The following DPP10 variants were observed in gnomAD, a reference collection of about 807,000 sequenced individuals.
DPP10 encodes the protein dipeptidyl peptidase like 10, also known as inactive dipeptidyl peptidase 10.
DPP10 carries 33 observed loss-of-function variants against 120.9 expected under a neutral mutation model. That is an observed-to-expected ratio of 0.27 (90% confidence interval 0.21 to 0.37). DPP10 has a LOEUF of 0.37. DPP10 is among the 10% of genes least tolerant of loss of function. The probability of loss-of-function intolerance (pLI) is 1.00; values close to 1 mark genes in which losing one functional copy is unlikely to be tolerated. For synonymous variants in DPP10, 337 were observed against 326.1 expected, an observed-to-expected ratio of 1.03 and a Z score of -0.36; for missense variants, 816 against 942.8, an observed-to-expected ratio of 0.87 and a Z score of 1.76.
At chr2:114,656,039 T>C (rs1696944314) in intron 1 of DPP10, among the ~76,000 whole-genome samples, 1 of 152,178 alleles carries the variant, frequency 6.6e-6, no homozygotes, top group Non-Finnish European at 1.5e-5. Flanking sequence ...ACAGGGGGCA[T>C]AGTTCTATCT....
rs534022091 is a variant in DPP10, at chr2:114,935,657, A to G, written c.61-373582A>G. ...CATTCTCAAATGCAGTCTTGATCAG[A>G]AATGATCCTTTCGGTTATTTGCTCA... On this transcript the variant is annotated intron_variant, in intron 1 of 25. Transcript: ENST00000410059. Among the ~76,000 whole-genome samples the G allele has an allele frequency of 1.8e-4, 28 of 151,422 alleles. No individual in the cohort carries two copies. The Admixed American group carries it at 1.9e-3, about 10-fold the overall frequency.
chr2:115,611,233 T>C (rs1234327992), intron 5 of DPP10, among the ~76,000 whole-genome samples: 2 of 152,214 alleles, frequency 1.3e-5, no homozygotes, highest in African/African-American at 2.4e-5. Context: ...ATTTGTATTC[T>C]TCACTTTTGA....
intron 2 of DPP10, among the ~76,000 whole-genome samples, chr2:115,312,552 A>G (rs1354084698): frequency 6.6e-6 from 1 of 152,218 alleles, no homozygotes; most frequent in South Asian, 2.1e-4. Flanking sequence ...GAACAAGAAT[A>G]TCCATCAAGG....
intron 1 of DPP10, among the ~76,000 whole-genome samples, chr2:114,881,090 G>A (rs910311831): frequency 6.6e-6 from 1 of 152,044 alleles, no homozygotes; most frequent in Non-Finnish European, 1.5e-5. Flanking sequence ...TATATTTTGT[G>A]GGTGATGCAT....
intron 19 of DPP10, among the ~76,000 whole-genome samples, chr2:115,810,037 C>G (rs1283599812): frequency 6.6e-6 from 1 of 152,028 alleles, no homozygotes; most frequent in Admixed American, 6.5e-5. Context: ...GTGGCGGGAG[C>G]CTGTAGTCCC....
At chr2:115,270,256 A>G (rs990948706) in intron 1 of DPP10, among the ~76,000 whole-genome samples, 4 of 152,144 alleles carry the variant, frequency 2.6e-5, no homozygotes, top group African/African-American at 9.7e-5. Context: ...CAGGAGACGT[A>G]GAGAAGGCAG....
intron 1 of DPP10, among the ~76,000 whole-genome samples, chr2:114,962,634 T>C (rs958732215): frequency 6.6e-6 from 1 of 152,172 alleles, no homozygotes; most frequent in South Asian, 2.1e-4. Context: ...TGGGTTACGA[T>C]GTCTGCCCTT....
intron 5 of DPP10, among the ~76,000 whole-genome samples, chr2:115,608,345 G>A (rs1048594190): frequency 2.6e-5 from 4 of 152,010 alleles, no homozygotes; most frequent in Admixed American, 1.3e-4. Context: ...AGCCAAGATT[G>A]CATTGCTATA....
At chr2:115,468,795 C>G (rs575484009) in intron 3 of DPP10, 3 of 459,596 alleles carry the variant, frequency 6.5e-6, no homozygotes, top group Non-Finnish European at 1.3e-5. Context: ...GCAGACTGGT[C>G]TCAAGGTGTG....
intron 1 of DPP10, among the ~76,000 whole-genome samples, chr2:115,238,127 G>C (rs1287262659): frequency 6.6e-6 from 1 of 152,108 alleles, no homozygotes; most frequent in African/African-American, 2.4e-5. Context: ...CAAAGGACAG[G>C]CTGACTCTTT....
intron 5 of DPP10, among the ~76,000 whole-genome samples, chr2:115,567,534 A>AC (rs573733249): frequency 2.0e-5 from 3 of 148,044 alleles, no homozygotes; most frequent in African/African-American, 5.0e-5. Flanking sequence ...AGATTTTCTC[A>AC]TTTTTTTTTT....
chr2:115,703,929 A>T (rs1250173839), intron 7 of DPP10, among the ~76,000 whole-genome samples: 1 of 151,964 alleles, frequency 6.6e-6, no homozygotes, highest in Admixed American at 6.6e-5. Context: ...TCACCTAGAT[A>T]TTTTAGTAGC....
At chr2:115,705,202 T>C (rs1011572173) in intron 7 of DPP10, among the ~76,000 whole-genome samples, 2 of 151,982 alleles carry the variant, frequency 1.3e-5, no homozygotes, top group African/African-American at 4.8e-5. Flanking sequence ...TTGATCAATT[T>C]TTCCCGAGTA....
chr2:114,951,665 A>T (rs1384372132), intron 1 of DPP10, among the ~76,000 whole-genome samples: 1 of 152,158 alleles, frequency 6.6e-6, no homozygotes, highest in Non-Finnish European at 1.5e-5. Context: ...TCTAGCCCGA[A>T]TATCTGCTTC....
At chr2:115,361,576 T>A (rs1436082712) in intron 3 of DPP10, among the ~76,000 whole-genome samples, 1 of 152,140 alleles carries the variant, frequency 6.6e-6, no homozygotes, top group East Asian at 1.9e-4. Flanking sequence ...GAGCTCTGCC[T>A]CTGCTTACTC....
intron 3 of DPP10, among the ~76,000 whole-genome samples, chr2:115,490,082 C>T (rs1209782005): frequency 6.6e-6 from 1 of 152,130 alleles, no homozygotes; most frequent in Non-Finnish European, 1.5e-5. Context: ...TTCAAGATAT[C>T]CCACATCTTT....
intron 1 of DPP10, among the ~76,000 whole-genome samples, chr2:115,286,452 C>T (rs1193831491): frequency 7.9e-6 from 1 of 126,508 alleles, no homozygotes; most frequent in Admixed American, 8.4e-5. Context: ...AGGTAGACTC[C>T]AGAGTTTAAA....
intron 5 of DPP10, among the ~76,000 whole-genome samples, chr2:115,560,867 G>A (rs2080610209): frequency 6.6e-6 from 1 of 152,060 alleles, no homozygotes; most frequent in Admixed American, 6.5e-5. Context: ...CTGAGTCAGT[G>A]GTCTTGTCTT....
chr2:115,345,640 C>T (rs1010799536), intron 3 of DPP10, among the ~76,000 whole-genome samples: 3 of 152,050 alleles, frequency 2.0e-5, no homozygotes, highest in Admixed American at 6.6e-5. Flanking sequence ...AATTATGGGT[C>T]TCATCTCCCT....
Sources: gnomAD v4.1 joint callset for allele counts (sites outside exome capture counted in the v4.1 genomes callset) on GRCh38, gnomAD v4.1.1 for gene constraint, MANE v1.5 for transcripts, NCBI Gene and HGNC (gene_info 2026-07-23, HGNC 2026-07-21) for gene names.